Variants in VAV2 observed in about 807,000 individuals in gnomAD.
VAV2 encodes vav guanine nucleotide exchange factor 2, also known as guanine nucleotide exchange factor VAV2.
A neutral mutation model predicts 132.5 loss-of-function variants in VAV2; 67 were observed. The ratio of observed to expected loss-of-function variants is 0.51; its 90% confidence interval spans 0.42 to 0.62. VAV2 has a LOEUF of 0.62. VAV2 is among the 20% of genes least tolerant of loss of function. The pLI, the probability that VAV2 is intolerant of heterozygous loss-of-function variation, is 0.00. For synonymous variants in VAV2, 492 were observed against 443.5 expected (o/e 1.11, Z -1.37); for missense variants, 938 against 1,153.6 (o/e 0.81, Z 2.71).
chr9:133,975,759 A>C (rs1329722569), intron 1 of VAV2, among the ~76,000 whole-genome samples: 1 of 152,178 alleles, frequency 6.6e-6, no homozygotes, highest in Non-Finnish European at 1.5e-5. Context: ...AGAATATTTA[A>C]ATATCTCATA....
intron 4 of VAV2, among the ~76,000 whole-genome samples, chr9:133,816,127 C>T (rs1835550967): frequency 6.6e-6 from 1 of 152,146 alleles, no homozygotes; most frequent in African/African-American, 2.4e-5. Flanking sequence ...TTACTGTATA[C>T]CTTCCTTTGT....
At chr9:133,855,767 G>C (rs930459441) in intron 3 of VAV2, among the ~76,000 whole-genome samples, 3 of 152,196 alleles carry the variant, frequency 2.0e-5, no homozygotes, top group Non-Finnish European at 4.4e-5. Context: ...CTGATATTCT[G>C]AGAATTCACT....
intron 2 of VAV2, among the ~76,000 whole-genome samples, chr9:133,922,386 T>C (rs550058650): frequency 1.1e-4 from 17 of 152,306 alleles, no homozygotes; most frequent in African/African-American, 3.4e-4. Context: ...AATTTAAATG[T>C]AGGGGCACGG....
chr9:133,785,417 G>A (rs1332936753), intron 17 of VAV2, among the ~76,000 whole-genome samples: 1 of 152,228 alleles, frequency 6.6e-6, no homozygotes, highest in Non-Finnish European at 1.5e-5. Context: ...CTGAAGACTG[G>A]GGTCACCAGG....
intron 2 of VAV2, among the ~76,000 whole-genome samples, chr9:133,938,100 CAT>C (rs1840993241): frequency 6.6e-6 from 1 of 152,224 alleles, no homozygotes; most frequent in Non-Finnish European, 1.5e-5. Context: ...CCTCACAAAT[CAT>C]GTATTCACAG....
chr9:133,986,709 C>A (rs993003326), intron 1 of VAV2, among the ~76,000 whole-genome samples: 1 of 152,166 alleles, frequency 6.6e-6, no homozygotes, highest in South Asian at 2.1e-4. Context: ...TCTATCCCCC[C>A]CAAAAAAAGA....
At chr9:133,936,298 A>G (rs7048989) in intron 2 of VAV2, among the ~76,000 whole-genome samples, 20,522 of 148,406 alleles carry the variant, frequency 0.14, 1,763 homozygotes, top group Non-Finnish European at 0.19. Flanking sequence ...GCTAAAGTGC[A>G]GTGGCGTGAT....
At chr9:133,892,788 G>A (rs1839031111) in intron 2 of VAV2, among the ~76,000 whole-genome samples, 1 of 152,190 alleles carries the variant, frequency 6.6e-6, no homozygotes, top group Admixed American at 6.5e-5. Flanking sequence ...TCCGGGCCAG[G>A]CTTCAGCTCA....
chr9:133,773,502 C>A (rs899088990), intron 25 of VAV2, among the ~76,000 whole-genome samples: 1 of 152,160 alleles, frequency 6.6e-6, no homozygotes, highest in East Asian at 1.9e-4. Flanking sequence ...TTTCTTCAAT[C>A]GTAAATTAAC....
At chr9:133,917,729 G>C (rs1016229098) in intron 2 of VAV2, among the ~76,000 whole-genome samples, 1 of 152,202 alleles carries the variant, frequency 6.6e-6, no homozygotes, top group African/African-American at 2.4e-5. Context: ...CCAGTTGAAG[G>C]ACTAAGCTGG....
At position 133,870,883 on chromosome 9, in the gene VAV2, T is replaced by TGGATAA. The variant is rs1442004077; in HGVS notation, c.322-9452_322-9451insTTATCC. Among the ~76,000 whole-genome samples, 11 of 78,956 alleles carry TGGATAA rather than the reference T, an allele frequency of 1.4e-4. No homozygotes were observed. In the South Asian group the frequency reaches 4.9e-3, roughly 35 times the overall value. The allele number at this position is 78,956 out of a possible 152,430, so 51.8% of individuals were successfully genotyped here. Reference sequence around the variant, plus strand: ...ATAAGTGGGTAGGTGGGTGGGTGGATGGATATGGGTGAGTGCGTGGGTGGG... The same window carrying TGGATAA: ...ATAAGTGGGTAGGTGGGTGGGTGGATGGATAAGGATATGGGTGAGTGCGTGGGTGGG... On this transcript the variant is annotated intron_variant, in intron 2 of 29. Transcript: ENST00000371850.
rs1206942641 is a variant in VAV2 at position 133,857,810 on chromosome 9, C to A, written c.380+3564G>T. On this transcript the variant is annotated intron_variant, in intron 3 of 29. Transcript: ENST00000371850. The surrounding 1 kb of genome is among the most constrained non-coding windows in gnomAD (Gnocchi z 4.0). The stretch of plus-strand genomic sequence containing the variant: ...GTGTGAACCAGTGGAGGTCTGCGCT[C>A]AACCCCAAGGGCTGCAGAGGGAAAG... Among the ~76,000 whole-genome samples, 2 of 152,160 alleles carry A rather than the reference C, an allele frequency of 1.3e-5. No individual in the cohort carries two copies. Among genetic ancestry groups the A allele is most frequent in the Admixed American group, 6.5e-5 (1 of 15,286 alleles).
intron 4 of VAV2, among the ~76,000 whole-genome samples, chr9:133,815,687 C>CGT (rs1835530648): frequency 6.6e-6 from 1 of 152,190 alleles, no homozygotes; most frequent in Non-Finnish European, 1.5e-5. Flanking sequence ...CAACGTGCTA[C>CGT]CCATCTTCCT....
At chr9:133,796,351 A>G (rs1834711739) in intron 11 of VAV2, 78 bp downstream of exon 11, 2 of 1,281,936 alleles carry the variant, frequency 1.6e-6, no homozygotes, top group Admixed American at 2.1e-5. Flanking sequence ...GCTGCAACCT[A>G]TACCCCCTGG....
chr9:133,950,320 T>C (rs964466789), intron 1 of VAV2, among the ~76,000 whole-genome samples: 1 of 152,102 alleles, frequency 6.6e-6, no homozygotes, highest in African/African-American at 2.4e-5. Flanking sequence ...GGGAGGCTCC[T>C]ATTCAACTCT....
intron 4 of VAV2, among the ~76,000 whole-genome samples, chr9:133,822,315 T>C (rs961791484): frequency 6.6e-6 from 1 of 152,130 alleles, no homozygotes; most frequent in Admixed American, 6.5e-5. Context: ...CTGCCATTAG[T>C]GTGTTACTAG....
chr9:133,801,518 C>T (rs976497037), intron 9 of VAV2, among the ~76,000 whole-genome samples: 4 of 152,218 alleles, frequency 2.6e-5, no homozygotes, highest in African/African-American at 9.6e-5. Context: ...TCGAGGGGCC[C>T]GCGCCCTCTC....
At chr9:133,772,707 C>A (rs923744458) in intron 25 of VAV2, among the ~76,000 whole-genome samples, 1 of 152,170 alleles carries the variant, frequency 6.6e-6, no homozygotes, top group Non-Finnish European at 1.5e-5. Flanking sequence ...CCTTAGCAAG[C>A]AGCTGGCAGA....
In VAV2 at chr9:133,763,897, A is replaced by G; in HGVS notation, c.*165T>C. On this transcript the variant is annotated 3_prime_UTR_variant, in exon 30 of 30. Coordinates refer to ENST00000371850, the MANE Select transcript of VAV2 (RefSeq NM_001134398.2). The surrounding 1 kb of genome is among the most constrained non-coding windows in gnomAD (Gnocchi z 6.8). The stretch of plus-strand genomic sequence containing the variant: ...GGTCGCCGAGGGCAGGCTGACAGTG[A>G]AACGGTTCGAGTTTAGGATTCTCAA... The G allele has an allele frequency of 1.2e-6, 1 of 812,410 alleles. No individual in the cohort carries two copies. The highest frequency in any genetic ancestry group is 2.0e-6 in the Non-Finnish European group (1 of 506,678). The allele number at this position is 812,410 out of a possible 1,614,324, so 50.3% of individuals were successfully genotyped here.
Sources: allele counts gnomAD v4.1 joint callset (sites outside exome capture counted in the v4.1 genomes callset), GRCh38; gene constraint gnomAD v4.1.1; non-coding constraint Gnocchi (gnomAD v3.1); transcripts MANE v1.5; gene names NCBI Gene and HGNC (gene_info 2026-07-23, HGNC 2026-07-21).